The following MGMT variants were observed in gnomAD, a reference collection of about 807,000 sequenced individuals.
The protein encoded by MGMT is O-6-methylguanine-DNA methyltransferase.
In MGMT, 14 loss-of-function variants were observed where a neutral mutation model predicts 15.9. The observed-to-expected ratio is 0.88, with a 90% CI of 0.58 to 1.37. The LOEUF is 1.37. Ranked by LOEUF, MGMT falls within the 40% of genes most tolerant of loss-of-function variation. MGMT has a pLI of 0.00. For synonymous variants in MGMT, 130 were observed against 118.2 expected (o/e 1.10, Z -0.65); for missense variants, 282 against 268.1 (o/e 1.05, Z -0.36).
At chr10:129,687,814 A>ATG (rs1847923359) in intron 2 of MGMT, among the ~76,000 whole-genome samples, 1 of 151,602 alleles carries the variant, frequency 6.6e-6, no homozygotes, top group Non-Finnish European at 1.5e-5. Flanking sequence ...CATCACTTAC[A>ATG]TTAGGTATAT....
chr10:129,652,449 A>G (rs1016600135), intron 2 of MGMT, among the ~76,000 whole-genome samples: 39 of 152,218 alleles, frequency 2.6e-4, no homozygotes, highest in Non-Finnish European at 5.3e-4. Context: ...CTCCTGAGGG[A>G]ACGGAGGAGA....
At chr10:129,505,910 C>T (rs1461102210) in intron 1 of MGMT, among the ~76,000 whole-genome samples, 1 of 151,740 alleles carries the variant, frequency 6.6e-6, no homozygotes, top group Non-Finnish European at 1.5e-5. Context: ...TAGTTTGATC[C>T]CTTCGGTCAG....
intron 2 of MGMT, among the ~76,000 whole-genome samples, chr10:129,625,636 T>C (rs1847138193): frequency 6.6e-6 from 1 of 152,222 alleles, no homozygotes; most frequent in African/African-American, 2.4e-5. Context: ...ATTTGACAAA[T>C]TTCAACATCC....
chr10:129,619,566 ATTTT>A (rs923924558), intron 2 of MGMT, among the ~76,000 whole-genome samples: 2 of 151,590 alleles, frequency 1.3e-5, no homozygotes, highest in African/African-American at 2.4e-5. Flanking sequence ...TAGGATTGGT[ATTTT>A]TTTTATTTAA....
At chr10:129,661,007 A>G (rs574884592) in intron 2 of MGMT, among the ~76,000 whole-genome samples, 8 of 152,196 alleles carry the variant, frequency 5.3e-5, no homozygotes, top group Non-Finnish European at 1.2e-4. Context: ...AGTCCTTTGG[A>G]ATGCAACCTT....
chr10:129,480,309 G>T (rs1162697610), intron 1 of MGMT, among the ~76,000 whole-genome samples: 1 of 152,132 alleles, frequency 6.6e-6, no homozygotes, highest in East Asian at 1.9e-4. Flanking sequence ...TTTGTAGCAG[G>T]GTGCAATCCG....
chr10:129,537,342 T>G (rs1379188855), intron 2 of MGMT, among the ~76,000 whole-genome samples: 2 of 152,164 alleles, frequency 1.3e-5, no homozygotes, highest in Non-Finnish European at 1.5e-5. Context: ...GCTGTCGAGA[T>G]TTTTCCTGTA....
intron 1 of MGMT, among the ~76,000 whole-genome samples, chr10:129,494,448 G>A (rs1367379512): frequency 2.0e-5 from 3 of 152,132 alleles, no homozygotes; most frequent in Non-Finnish European, 4.4e-5. Flanking sequence ...CTGGGTTCCT[G>A]GCTTATCAGA....
At chr10:129,732,848 A>G (rs1187896357) in intron 3 of MGMT, among the ~76,000 whole-genome samples, 6 of 141,432 alleles carry the variant, frequency 4.2e-5, no homozygotes, top group Admixed American at 2.9e-4. Context: ...GAGAATGATG[A>G]TTTCCAATTT....
intron 2 of MGMT, among the ~76,000 whole-genome samples, chr10:129,572,237 T>A (rs1185180409): frequency 6.6e-6 from 1 of 152,234 alleles, no homozygotes; most frequent in African/African-American, 2.4e-5. Flanking sequence ...TAGTTAATTC[T>A]AAGGTGAATA....
intron 2 of MGMT, chr10:129,536,924 A>C (rs1209356187): frequency 6.6e-6 from 1 of 152,180 alleles, no homozygotes; most frequent in Non-Finnish European, 1.5e-5. Flanking sequence ...TGGCCCTGCC[A>C]GGGGGAAGGG....
chr10:129,755,354 A>G (rs1848792856), intron 3 of MGMT, among the ~76,000 whole-genome samples: 1 of 152,158 alleles, frequency 6.6e-6, no homozygotes, highest in Non-Finnish European at 1.5e-5. Context: ...CTGCACAGGG[A>G]TGTCCTGCAG....
chr10:129,767,871 G>A lies in MGMT; in HGVS notation c.*874G>A, dbSNP rs1848957255. On this transcript the variant is annotated 3_prime_UTR_variant, in exon 5 of 5. Coordinates refer to ENST00000651593, the MANE Select transcript of MGMT (RefSeq NM_002412.5). Reference sequence around the variant, plus strand: ...TCACGACTGTGGGGGGCCAGCTCATGTCACTGATGGCAGCAGGCAGGGTTT... The same window carrying A: ...TCACGACTGTGGGGGGCCAGCTCATATCACTGATGGCAGCAGGCAGGGTTT... The A allele has an allele frequency of 6.6e-6, 1 of 152,268 alleles. No homozygotes were observed. Among genetic ancestry groups the A allele is most frequent in the African/African-American group, 2.4e-5 (1 of 41,452 alleles). The allele number at this position is 152,268 out of a possible 1,614,324, so 9.4% of individuals were successfully genotyped here.
intron 1 of MGMT, among the ~76,000 whole-genome samples, chr10:129,469,069 G>A (rs1845202437): frequency 6.6e-6 from 1 of 152,074 alleles, no homozygotes; most frequent in South Asian, 2.1e-4. Context: ...TATCACCTGG[G>A]CCTTACTTTT....
chr10:129,751,033 CTG>C (rs1848745737), intron 3 of MGMT, among the ~76,000 whole-genome samples: 1 of 151,922 alleles, frequency 6.6e-6, no homozygotes, highest in African/African-American at 2.4e-5. Context: ...CTGACTTTTT[CTG>C]GTTTTGATGG....
At chr10:129,683,919 A>G (rs1401786532) in intron 2 of MGMT, among the ~76,000 whole-genome samples, 1 of 152,178 alleles carries the variant, frequency 6.6e-6, no homozygotes, top group Non-Finnish European at 1.5e-5. Context: ...TTTACATTTC[A>G]CAGTGTATTT....
chr10:129,567,210 T>C (rs1846366236), intron 2 of MGMT, among the ~76,000 whole-genome samples: 1 of 152,152 alleles, frequency 6.6e-6, no homozygotes, highest in African/African-American at 2.4e-5. Context: ...CCATCCAGCC[T>C]GTGGCCCGTC....
chr10:129,601,710 G>T (rs940416759), intron 2 of MGMT, among the ~76,000 whole-genome samples: 1 of 152,156 alleles, frequency 6.6e-6, no homozygotes, highest in Admixed American at 6.5e-5. Context: ...ACTTTAATTT[G>T]GTCCAAAATA....
At chr10:129,746,238 CAAA>C (rs57022839) in intron 3 of MGMT, among the ~76,000 whole-genome samples, 1 of 104,874 alleles carries the variant, frequency 9.5e-6, no homozygotes, top group African/African-American at 3.5e-5. Flanking sequence ...GACTCTGTCT[CAAA>C]AAAAAAAAAA....
Sources: allele counts gnomAD v4.1 joint callset (sites outside exome capture counted in the v4.1 genomes callset), GRCh38; gene constraint gnomAD v4.1.1; transcripts MANE v1.5; gene names NCBI Gene and HGNC (gene_info 2026-07-23, HGNC 2026-07-21).